RIC8B: variants seen among roughly 807,000 people sequenced by gnomAD.
The protein encoded by RIC8B is chaperone Ric-8B.
In RIC8B, 16 loss-of-function variants were observed where a neutral mutation model predicts 57.5. The observed-to-expected ratio is 0.28, with a 90% CI of 0.19 to 0.42. The LOEUF (loss-of-function observed/expected upper bound fraction) is 0.42. RIC8B is among the 10% of genes least tolerant of loss of function. RIC8B has a pLI of 1.00. For synonymous variants in RIC8B, 216 were observed against 250.8 expected, an observed-to-expected ratio of 0.86 and a Z score of 1.31; for missense variants, 481 against 677.0, an observed-to-expected ratio of 0.71 and a Z score of 3.21.
At chr12:106,818,176 C>CT (rs968065459) in intron 3 of RIC8B, among the ~76,000 whole-genome samples, 199 of 148,114 alleles carry the variant, frequency 1.3e-3, no homozygotes, top group South Asian at 3.4e-3. Context: ...ACTTTTTTTT[C>CT]TTTTTTTTTT....
chr12:106,845,133 C>G (rs567230432), intron 6 of RIC8B, among the ~76,000 whole-genome samples: 1 of 152,144 alleles, frequency 6.6e-6, no homozygotes. Flanking sequence ...GCACCTTGTG[C>G]GCTCCCTCAG....
rs1048354060 is a variant in RIC8B at position 106,886,968 on chromosome 12, G to A, written c.*953G>A. The A allele has an allele frequency of 2.6e-5, 4 of 152,300 alleles. No homozygotes were observed. Among genetic ancestry groups the A allele is most frequent in the South Asian group, 2.1e-4 (1 of 4,814 alleles). 9.4% of individuals were successfully genotyped at this position (152,300 alleles called of 1,614,324 possible). A position where few individuals can be genotyped will look rare whatever the true frequency, so the allele number is the denominator to read the frequency against. On this transcript the variant is annotated 3_prime_UTR_variant, in exon 10 of 10. Coordinates refer to ENST00000392837, the MANE Select transcript of RIC8B (RefSeq NM_001330145.2). ...GTGCTGGTGTGTGTGTGAGTTCTAC[G>A]TTTCTACCATATGTGATCAGTTTAA...
intron 2 of RIC8B, among the ~76,000 whole-genome samples, chr12:106,814,448 A>G (rs1319326910): frequency 6.6e-6 from 1 of 152,222 alleles, no homozygotes; most frequent in Non-Finnish European, 1.5e-5. Context: ...ACTCTGGACA[A>G]ATATGAACCA....
rs1412889185 is a variant in RIC8B, at chr12:106,867,071, A to T, written c.1452-3752A>T. On this transcript the variant is annotated intron_variant, in intron 8 of 9. Transcript: ENST00000392837. The surrounding 1 kb of genome is among the most constrained non-coding windows in gnomAD (Gnocchi z 4.3). The stretch of plus-strand genomic sequence containing the variant: ...ACATTGTAGATTGAAGTTAATTTTC[A>T]TATAGCCGAATTAAGTTTTAATGGA... Among the ~76,000 whole-genome samples the T allele has an allele frequency of 1.3e-5, 2 of 152,230 alleles. No individual in the cohort carries two copies. Among genetic ancestry groups the T allele is most frequent in the East Asian group, 3.8e-4 (2 of 5,198 alleles).
intron 2 of RIC8B, among the ~76,000 whole-genome samples, chr12:106,795,273 C>T (rs965640208): frequency 2.6e-5 from 4 of 152,082 alleles, no homozygotes; most frequent in Admixed American, 1.3e-4. Flanking sequence ...GAAGTAGCTA[C>T]GTTGTCTGGG....
In RIC8B at chr12:106,867,631, T is replaced by G. The variant is rs1950193803; in HGVS notation, c.1452-3192T>G. Among the ~76,000 whole-genome samples, 1 of 152,188 alleles carries G rather than the reference T, an allele frequency of 6.6e-6. No individual in the cohort carries two copies. Among genetic ancestry groups the G allele is most frequent in the African/African-American group, 2.4e-5 (1 of 41,448 alleles). On this transcript the variant is annotated intron_variant, in intron 8 of 9. Coordinates refer to ENST00000392837, the MANE Select transcript of RIC8B (RefSeq NM_001330145.2). This position sits in a 1 kb window ranked among gnomAD's most constrained non-coding sequence, Gnocchi z 4.3. ...TTTATGAAATCTCACGTCTTTGTTGTCACAATGGCTATTATTTGTTTTCTC... is the reference window on the plus strand; with the variant it reads ...TTTATGAAATCTCACGTCTTTGTTGGCACAATGGCTATTATTTGTTTTCTC...
rs1025219965 is a variant in RIC8B, at chr12:106,814,845, A to T, written c.282A>T (p.Arg94=). 4 of 1,614,236 alleles carry T rather than the reference A, an allele frequency of 2.5e-6. No individual in the cohort carries two copies. Among genetic ancestry groups the T allele is most frequent in the Middle Eastern group, 1.6e-4 (1 of 6,062 alleles). Residue 94 remains arginine, a synonymous_variant, in exon 3 of 10, where the codon CGA becomes CGT. Transcript: ENST00000392837. ...TTKENMQILL[R]LAKLNELDDS... ...AGGAAAATATGCAGATACTGCTGCG[A>T]CTAGCCAAGCTAAATGAGTTAGATG...
chr12:106,819,412 T>C (rs2045735092), intron 3 of RIC8B, among the ~76,000 whole-genome samples: 1 of 152,160 alleles, frequency 6.6e-6, no homozygotes, highest in Admixed American at 6.6e-5. Flanking sequence ...TTCTAACTTC[T>C]TGTGAAATAA....
At chr12:106,865,877 C>T (rs1270430621) in intron 8 of RIC8B, among the ~76,000 whole-genome samples, 1 of 152,184 alleles carries the variant, frequency 6.6e-6, no homozygotes, top group Non-Finnish European at 1.5e-5. Context: ...TGCAGACACA[C>T]TCCTGCCTGA....
intron 2 of RIC8B, among the ~76,000 whole-genome samples, chr12:106,795,301 G>A (rs1026973862): frequency 2.6e-5 from 4 of 152,286 alleles, no homozygotes; most frequent in East Asian, 3.9e-4. Flanking sequence ...CCCGTGGTTC[G>A]TCTTCTCACG....
intron 8 of RIC8B, among the ~76,000 whole-genome samples, chr12:106,866,436 T>G (rs532144120): frequency 1.3e-5 from 2 of 152,002 alleles, no homozygotes; most frequent in Admixed American, 6.5e-5. Context: ...TATTGTTTTT[T>G]GGGGGAGCAG....
chr12:106,853,230 T>C lies in RIC8B; in HGVS notation c.1306+1636T>C, dbSNP rs559635625. Among the ~76,000 whole-genome samples, 273 of 151,966 alleles carry C rather than the reference T, an allele frequency of 1.8e-3. 1 individual carries two copies. The highest frequency in any genetic ancestry group is 6.2e-3 in the African/African-American group (259 of 41,562). ...AAATCTAAATAAATAATTACATATC[T>C]AAATAATTTCTAAATGTAATCACAT... On this transcript the variant is annotated intron_variant, in intron 7 of 9. Coordinates refer to ENST00000392837, the MANE Select transcript of RIC8B (RefSeq NM_001330145.2).
At chr12:106,869,369 C>T (rs377241139) in intron 8 of RIC8B, among the ~76,000 whole-genome samples, 20 of 152,108 alleles carry the variant, frequency 1.3e-4, no homozygotes, top group African/African-American at 3.9e-4. Flanking sequence ...CTTGCCCAAC[C>T]GAAAGTCTCA....
chr12:106,813,187 CTTTTTTTTTTTTT>C (rs35584850), intron 2 of RIC8B, among the ~76,000 whole-genome samples: 4 of 98,680 alleles, frequency 4.1e-5, no homozygotes, highest in African/African-American at 1.5e-4. Context: ...AATACTATGC[CTTTTTTTTTTTTT>C]TTTTTTTTTG....
In RIC8B at chr12:106,843,912, G is replaced by T. The variant is rs1231789921; in HGVS notation, c.1126G>T (p.Ala376Ser). 6.2e-7 allele frequency: 1 copy of T among 1,613,630 alleles called. No individual in the cohort carries two copies. Among genetic ancestry groups the T allele is most frequent in the Non-Finnish European group, 8.5e-7 (1 of 1,179,922 alleles). ...CAGCTTATTAACCGAATGTTCCCGAGCCCATCGAAACATCCGAAAATTTCT... is the reference window on the plus strand; with the variant it reads ...CAGCTTATTAACCGAATGTTCCCGATCCCATCGAAACATCCGAAAATTTCT... ...VLSLLTECSR[A>S]HRNIRKFLKD... Residue 376 changes from alanine (A) to serine (S), a missense_variant, in exon 6 of 10, where the codon GCC becomes TCC. Physicochemically the swap from Ala to Ser is moderately conservative, Grantham distance 99 (BLOSUM62 1). This residue lies in a region of RIC8B where 421 missense variants were observed against 560.9 expected (regional missense o/e 0.75). Coordinates refer to ENST00000392837, the MANE Select transcript of RIC8B (RefSeq NM_001330145.2).
chr12:106,876,865 C>T (rs1231876606), intron 9 of RIC8B, among the ~76,000 whole-genome samples: 1 of 152,066 alleles, frequency 6.6e-6, no homozygotes, highest in African/African-American at 2.4e-5. Context: ...GTTTCTACTA[C>T]TTTATTCTAC....
chr12:106,808,793 A>G lies in RIC8B; in HGVS notation c.133-5903A>G, dbSNP rs183719524. ...GTCTAGTAGATGAACTGTGGTATCAATCTTTTAAACAAAGACATTTTCTTT... is the reference window on the plus strand; with the variant it reads ...GTCTAGTAGATGAACTGTGGTATCAGTCTTTTAAACAAAGACATTTTCTTT... On this transcript the variant is annotated intron_variant, in intron 2 of 9. Coordinates refer to ENST00000392837, the MANE Select transcript of RIC8B (RefSeq NM_001330145.2). Among the ~76,000 whole-genome samples, 739 of 152,330 alleles carry G rather than the reference A, an allele frequency of 4.9e-3. 4 individuals are homozygous for G. Among genetic ancestry groups the G allele is most frequent in the Non-Finnish European group, 7.2e-3 (490 of 68,032 alleles).
At chr12:106,878,907 G>C (rs563372862) in intron 9 of RIC8B, 1 of 885,044 alleles carries the variant, frequency 1.1e-6, no homozygotes, top group Non-Finnish European at 1.4e-6. Context: ...TACTCAATTA[G>C]AGGGAGGTGA....
intron 7 of RIC8B, among the ~76,000 whole-genome samples, chr12:106,853,453 C>CTTTTTATTTTTTTTT (rs1949565124): frequency 2.6e-5 from 1 of 38,022 alleles, no homozygotes; most frequent in African/African-American, 1.3e-4. Flanking sequence ...GCTTTATAGT[C>CTTTTTATTTTTTTTT]TTTTTTTTTT....
Sources: gnomAD v4.1 joint callset for allele counts (sites outside exome capture counted in the v4.1 genomes callset) on GRCh38, gnomAD v4.1.1 for gene constraint, gnomAD v4.1.1 regional missense constraint, Gnocchi (gnomAD v3.1) non-coding constraint, MANE v1.5 for transcripts, NCBI Gene and HGNC (gene_info 2026-07-23, HGNC 2026-07-21) for gene names.